TLL2: variants seen among roughly 807,000 people sequenced by gnomAD.
TLL2 encodes tolloid like 2.
Under a neutral mutation model 123.0 loss-of-function variants are expected in TLL2, and 106 were observed. The observed-to-expected ratio is 0.86, with a 90% CI of 0.74 to 1.01. The LOEUF (loss-of-function observed/expected upper bound fraction) is 1.01. TLL2 is among the 50% of genes least tolerant of loss of function. TLL2 has a pLI of 0.00. For synonymous variants in TLL2, 494 were observed against 516.8 expected (o/e 0.96, Z 0.60); for missense variants, 1,332 against 1,336.7 (o/e 1.00, Z 0.06).
In TLL2 at chr10:96,395,277, C is replaced by T. The variant is rs1220358104; in HGVS notation, c.1636G>A (p.Asp546Asn). 5.6e-6 allele frequency: 9 copies of T among 1,614,032 alleles called. No individual in the cohort carries two copies. The highest frequency in any genetic ancestry group is 7.6e-6 in the Non-Finnish European group (9 of 1,180,006). ...GHFCGYEKPE[D>N]VKSSSNRLWM... ...AGTCTGTTGGAGCTCGATTTCACAT[C>T]CTCCGGCTTCTCATAGCCACAAAAG... The change falls in exon 13 of 21, where the codon GAT becomes AAT. Residue 546 changes from aspartate (D) to asparagine (N), a missense_variant. Coordinates refer to ENST00000357947, the MANE Select transcript of TLL2 (RefSeq NM_012465.4).
intron 9 of TLL2, among the ~76,000 whole-genome samples, chr10:96,407,509 G>A (rs527381194): frequency 2.6e-5 from 4 of 152,262 alleles, no homozygotes; most frequent in African/African-American, 9.6e-5. Flanking sequence ...GGGACTGTGC[G>A]AGAAACCATA....
rs750616179 is a variant in TLL2, at chr10:96,480,346, T to C, written c.286+3A>G. 8 of 1,613,586 alleles carry C rather than the reference T, an allele frequency of 5.0e-6. No individual in the cohort carries two copies. In the East Asian group the frequency reaches 1.6e-4, roughly 31 times the overall value. On this transcript the variant is annotated splice_donor_region_variant and intron_variant, in intron 2 of 20. Coordinates refer to ENST00000357947, the MANE Select transcript of TLL2 (RefSeq NM_012465.4). ...GCAGGAGAAGGGAGGAAGCAGTACC[T>C]ACCTGTGCTGTGTCCTGTTGCCCCC...
At chr10:96,479,970 A>G (rs1177999129) in intron 2 of TLL2, among the ~76,000 whole-genome samples, 1 of 151,242 alleles carries the variant, frequency 6.6e-6, no homozygotes, top group African/African-American at 2.4e-5. Flanking sequence ...TTCTCCACTC[A>G]CTCTCTGTCT....
At chr10:96,383,617 T>C (rs904289332) in intron 16 of TLL2, among the ~76,000 whole-genome samples, 115 of 106,718 alleles carry the variant, frequency 1.1e-3, no homozygotes, top group Non-Finnish European at 2.1e-3. Context: ...TTCTTCATTT[T>C]TTATTTTTTA....
In TLL2 at chr10:96,365,301, A is replaced by G. The variant is rs564834603; in HGVS notation, c.*2787T>C. The stretch of plus-strand genomic sequence containing the variant: ...AAATATTTACCTTAGAGGAAAATAG[A>G]GGGAATAGTGGATCAATGAACAGCC... On this transcript the variant is annotated 3_prime_UTR_variant, in exon 21 of 21. Transcript: ENST00000357947. The G allele has an allele frequency of 6.6e-6, 1 of 152,360 alleles. No homozygotes were observed. The highest frequency in any genetic ancestry group is 2.1e-4 in the South Asian group (1 of 4,828). The allele number at this position is 152,360 out of a possible 1,614,324, so 9.4% of individuals were successfully genotyped here. A position where few individuals can be genotyped will look rare whatever the true frequency, so the allele number is the denominator to read the frequency against.
chr10:96,409,002 C>A (rs1182416635), intron 9 of TLL2, among the ~76,000 whole-genome samples: 1 of 152,216 alleles, frequency 6.6e-6, no homozygotes, highest in African/African-American at 2.4e-5. Context: ...ACAGAAAATG[C>A]TCACAATGGT....
At chr10:96,452,962 T>C (rs1051623745) in intron 2 of TLL2, among the ~76,000 whole-genome samples, 1 of 152,182 alleles carries the variant, frequency 6.6e-6, no homozygotes, top group Non-Finnish European at 1.5e-5. Context: ...GTAACTTTTA[T>C]ATCCGTGCCA....
chr10:96,487,843 GCCAGA>G (rs1847372650), intron 1 of TLL2, among the ~76,000 whole-genome samples: 1 of 152,088 alleles, frequency 6.6e-6, no homozygotes, highest in Non-Finnish European at 1.5e-5. Flanking sequence ...CCCAGATTGT[GCCAGA>G]GTCTAAACGC....
chr10:96,371,832 G>A (rs1191524192), intron 19 of TLL2, among the ~76,000 whole-genome samples: 2 of 152,162 alleles, frequency 1.3e-5, no homozygotes, highest in African/African-American at 2.4e-5. Context: ...AGAAGCCAGG[G>A]TATTTAGTCC....
intron 2 of TLL2, among the ~76,000 whole-genome samples, chr10:96,457,719 C>T (rs1847031450): frequency 6.6e-6 from 1 of 152,112 alleles, no homozygotes; most frequent in Admixed American, 6.5e-5. Context: ...GAGATCAGAC[C>T]ACAGCCTCCA....
intron 2 of TLL2, among the ~76,000 whole-genome samples, chr10:96,452,512 G>T (rs944993962): frequency 4.6e-5 from 7 of 152,148 alleles, no homozygotes; most frequent in African/African-American, 1.7e-4. Context: ...TTCTTAATTT[G>T]CTGGGCCTTT....
chr10:96,418,171 C>A (rs930454275), intron 7 of TLL2, among the ~76,000 whole-genome samples: 6 of 152,014 alleles, frequency 3.9e-5, no homozygotes, highest in African/African-American at 1.5e-4. Flanking sequence ...AATGGTTATC[C>A]CCTGAGGGAC....
In TLL2 at chr10:96,413,261, T is replaced by A; in HGVS notation, c.979A>T (p.Thr327Ser). The A allele has an allele frequency of 6.2e-7, 1 of 1,614,202 alleles. No individual in the cohort carries two copies. The highest frequency in any genetic ancestry group is 8.5e-7 in the Non-Finnish European group (1 of 1,180,008). The change falls in exon 8 of 21, where the codon ACC becomes TCC. Residue 327 changes from threonine to serine, a missense_variant. Physicochemically the swap from Thr to Ser is moderately conservative, Grantham distance 58 (BLOSUM62 1). Transcript: ENST00000357947. ...CTGAGCCGCACGCGCTGGCCAATGGTTGGCCTGACGCCATTGTCATCTTGA... is the reference window on the plus strand; with the variant it reads ...CTGAGCCGCACGCGCTGGCCAATGGATGGCCTGACGCCATTGTCATCTTGA... ...PRQDDNGVRP[T>S]IGQRVRLSQG...
At chr10:96,413,637 C>G (rs1440666021) in intron 7 of TLL2, among the ~76,000 whole-genome samples, 1 of 152,102 alleles carries the variant, frequency 6.6e-6, no homozygotes, top group Admixed American at 6.6e-5. Flanking sequence ...GTCCAGACCC[C>G]GGAGAGACCA....
chr10:96,488,695 G>A (rs918168895), intron 1 of TLL2, among the ~76,000 whole-genome samples: 5 of 152,108 alleles, frequency 3.3e-5, no homozygotes, highest in East Asian at 1.9e-4. Context: ...AGCCACCACC[G>A]CCTTCCATAG....
At chr10:96,381,711 A>G (rs186848905) in intron 16 of TLL2, among the ~76,000 whole-genome samples, 47 of 152,268 alleles carry the variant, frequency 3.1e-4, no homozygotes, top group Admixed American at 1.6e-3. Context: ...CAGGGTGTGT[A>G]TTCCTGGCTC....
intron 4 of TLL2, among the ~76,000 whole-genome samples, chr10:96,429,203 TAAAA>T (rs1183562356): frequency 6.6e-6 from 1 of 152,158 alleles, no homozygotes; most frequent in Non-Finnish European, 1.5e-5. Context: ...TGAAATTTGA[TAAAA>T]GAACAGATTT....
At chr10:96,497,962 C>G (rs1018905940) in intron 1 of TLL2, among the ~76,000 whole-genome samples, 3 of 152,240 alleles carry the variant, frequency 2.0e-5, no homozygotes, top group African/African-American at 7.2e-5. Context: ...CTCATGCCTG[C>G]TGCGTTCCCA....
chr10:96,478,881 A>C (rs1177896149), intron 2 of TLL2, among the ~76,000 whole-genome samples: 1 of 152,150 alleles, frequency 6.6e-6, no homozygotes, highest in Non-Finnish European at 1.5e-5. Flanking sequence ...GGGCGTGTAC[A>C]TATGTAAAAG....
Sources: allele counts gnomAD v4.1 joint callset (sites outside exome capture counted in the v4.1 genomes callset), GRCh38; gene constraint gnomAD v4.1.1; transcripts MANE v1.5; gene names NCBI Gene and HGNC (gene_info 2026-07-23, HGNC 2026-07-21).